Variants in PRR5L observed in about 807,000 individuals in gnomAD.
PRR5L encodes proline rich 5 like.
A neutral mutation model predicts 36.4 loss-of-function variants in PRR5L; 21 were observed. The observed-to-expected ratio is 0.58, with a 90% confidence interval of 0.41 to 0.83. The LOEUF (loss-of-function observed/expected upper bound fraction) is 0.83, where lower values mean the gene tolerates loss of function less well. Among genes scored for constraint, PRR5L ranks in the 40% least tolerant of loss-of-function variants. PRR5L has a pLI of 0.00. For missense variants in PRR5L, 381 were observed against 473.3 expected, an observed-to-expected ratio of 0.80 and a Z score of 1.81; for synonymous variants, 188 against 197.0, an observed-to-expected ratio of 0.95 and a Z score of 0.38.
intron 1 of PRR5L, among the ~76,000 whole-genome samples, chr11:36,385,222 T>C (rs1401749230): frequency 1.3e-5 from 2 of 152,208 alleles, no homozygotes; most frequent in Non-Finnish European, 1.5e-5. Context: ...TCTAGACTTT[T>C]TGGCTTACCA....
At chr11:36,369,758 C>A (rs1332714849) in intron 1 of PRR5L, among the ~76,000 whole-genome samples, 1 of 152,106 alleles carries the variant, frequency 6.6e-6, no homozygotes, top group Non-Finnish European at 1.5e-5. Context: ...CCATGCCTGG[C>A]TAATTGTTTT....
At position 36,351,512 on chromosome 11, in the gene PRR5L, TATATATATTTATATATTTATATAA is replaced by T. The variant is rs1856955867; in HGVS notation, c.-125-49468_-125-49445del. Among the ~76,000 whole-genome samples, 2 of 15,402 alleles carry T rather than the reference TATATATATTTATATATTTATATAA, an allele frequency of 1.3e-4. 1 individual carries two copies. Among genetic ancestry groups the T allele is most frequent in the Admixed American group, 1.9e-3 (2 of 1,032 alleles). 10.1% of individuals were successfully genotyped at this position (15,402 alleles called of 152,430 possible). A position where few individuals can be genotyped will look rare whatever the true frequency, so the allele number is the denominator to read the frequency against. On this transcript the variant is annotated intron_variant, in intron 1 of 8. Transcript: ENST00000530639. The stretch of plus-strand genomic sequence containing the variant: ...ATATTTATATATATTTTTATATATT[TATATATATTTATATATTTATATAA>T]ATATATATTTATATATATTTATATA...
At chr11:36,331,531 TC>T (rs1856719207) in intron 1 of PRR5L, among the ~76,000 whole-genome samples, 1 of 152,194 alleles carries the variant, frequency 6.6e-6, no homozygotes, top group Non-Finnish European at 1.5e-5. Context: ...CCTTGTTTCC[TC>T]AGTAGATTAT....
intron 1 of PRR5L, among the ~76,000 whole-genome samples, chr11:36,323,078 G>A (rs72948144): frequency 0.081 from 12,325 of 151,860 alleles, 541 homozygotes; most frequent in Middle Eastern, 0.12. Flanking sequence ...GAGAAATTTT[G>A]TTTTTTTTAA....
At chr11:36,422,346 C>G (rs1443675375) in intron 4 of PRR5L, among the ~76,000 whole-genome samples, 1 of 152,060 alleles carries the variant, frequency 6.6e-6, no homozygotes, top group Non-Finnish European at 1.5e-5. Context: ...AGTAAAGGGG[C>G]AGAAGGAAGG....
intron 1 of PRR5L, among the ~76,000 whole-genome samples, chr11:36,310,748 C>A (rs1856492059): frequency 6.6e-6 from 1 of 152,194 alleles, no homozygotes; most frequent in Middle Eastern, 3.4e-3. Context: ...CCTGTAATCG[C>A]AGCACTTTGG....
At chr11:36,445,016 T>G (rs889934688) in intron 6 of PRR5L, among the ~76,000 whole-genome samples, 2 of 152,250 alleles carry the variant, frequency 1.3e-5, no homozygotes, top group Admixed American at 1.3e-4. Flanking sequence ...CATTATAAGA[T>G]AACTTATTTA....
At chr11:36,392,008 T>C (rs1857572765) in intron 1 of PRR5L, among the ~76,000 whole-genome samples, 1 of 152,190 alleles carries the variant, frequency 6.6e-6, no homozygotes, top group Non-Finnish European at 1.5e-5. Context: ...CATTTTCCTG[T>C]CTCCGTGAGT....
rs141648638 is a variant in PRR5L, at chr11:36,436,937, T to C, written c.353-448T>C. Among the ~76,000 whole-genome samples, 41 of 152,328 alleles carry C rather than the reference T, an allele frequency of 2.7e-4. 1 individual carries two copies. In the East Asian group the frequency reaches 7.9e-3, roughly 29 times the overall value. ...AAGATGTCAGCTCCCTTTTCTGGAT[T>C]GGAGGATGGAAAGGCATATTTGCAT... On this transcript the variant is annotated intron_variant, in intron 5 of 8. Coordinates refer to ENST00000530639, the MANE Select transcript of PRR5L (RefSeq NM_001160167.2).
intron 8 of PRR5L, among the ~76,000 whole-genome samples, chr11:36,459,293 A>G (rs555875980): frequency 4.8e-4 from 73 of 152,268 alleles, no homozygotes; most frequent in African/African-American, 1.7e-3. Context: ...CAGCCTTGTC[A>G]TGGTGCTTAC....
chr11:36,307,064 A>C, intron 1 of PRR5L, among the ~76,000 whole-genome samples: 1 of 152,150 alleles, frequency 6.6e-6, no homozygotes, highest in East Asian at 1.9e-4. Context: ...AATTTCTAGA[A>C]GAAACGGCCA....
intron 4 of PRR5L, chr11:36,425,348 C>G (rs1456427768): frequency 2.0e-5 from 3 of 152,100 alleles, no homozygotes; most frequent in Admixed American, 2.0e-4. Context: ...GCATGAAGAC[C>G]CAGCCCAGGT....
intron 3 of PRR5L, among the ~76,000 whole-genome samples, chr11:36,403,752 CT>C (rs1857851351): frequency 6.6e-6 from 1 of 152,140 alleles, no homozygotes; most frequent in African/African-American, 2.4e-5. Context: ...TGTGTTCTTC[CT>C]TTTACTAAGT....
At chr11:36,419,330 T>C (rs769387289) in intron 4 of PRR5L, 27 bp downstream of exon 4, 2 of 1,603,124 alleles carry the variant, frequency 1.2e-6, no homozygotes, top group East Asian at 2.2e-5. Context: ...TGAGCATCCA[T>C]CATTATCATG....
At chr11:36,362,529 G>T (rs1366644031) in intron 1 of PRR5L, among the ~76,000 whole-genome samples, 1 of 152,016 alleles carries the variant, frequency 6.6e-6, no homozygotes, top group Non-Finnish European at 1.5e-5. Flanking sequence ...AAAAAAGGAC[G>T]TTTTAGACAC....
rs1859251449 is a variant in PRR5L at position 36,464,304 on chromosome 11, G to T, written c.*1568G>T. ...CAAGAGGGTGCTGGGAGAAGGTGAA[G>T]ATCAGTCTAAGCTGCCACGGTGATG... On this transcript the variant is annotated 3_prime_UTR_variant, in exon 9 of 9. Transcript: ENST00000530639. 1 of 152,204 alleles carries T rather than the reference G, an allele frequency of 6.6e-6. No homozygotes were observed. Among genetic ancestry groups the T allele is most frequent in the South Asian group, 2.1e-4 (1 of 4,832 alleles). 9.4% of individuals were successfully genotyped at this position (152,204 alleles called of 1,614,324 possible).
chr11:36,350,980 T>G lies in PRR5L; in HGVS notation c.-125-50017T>G, dbSNP rs111079935. Among the ~76,000 whole-genome samples, 9 of 43,378 alleles carry G rather than the reference T, an allele frequency of 2.1e-4. 2 individuals are homozygous for G. Among genetic ancestry groups the G allele is most frequent in the African/African-American group, 1.2e-3 (9 of 7,268 alleles). 28.5% of individuals were successfully genotyped at this position (43,378 alleles called of 152,430 possible). On this transcript the variant is annotated intron_variant, in intron 1 of 8. Coordinates refer to ENST00000530639, the MANE Select transcript of PRR5L (RefSeq NM_001160167.2). ...TATATATTTATATATTTATATATAT[T>G]TATATATTTATATATTTATATATAT...
chr11:36,355,915 C>T (rs894799210), intron 1 of PRR5L, among the ~76,000 whole-genome samples: 3 of 146,734 alleles, frequency 2.0e-5, no homozygotes, highest in African/African-American at 2.5e-5. Context: ...CTGATCTTTG[C>T]TTTTTTTTTT....
chr11:36,318,829 G>A (rs79566141), intron 1 of PRR5L, among the ~76,000 whole-genome samples: 16,260 of 152,030 alleles, frequency 0.11, 909 homozygotes, highest in Non-Finnish European at 0.12. Context: ...GGAAATGGGA[G>A]GGAAAGGCCA....
Sources: allele counts gnomAD v4.1 joint callset (sites outside exome capture counted in the v4.1 genomes callset), GRCh38; gene constraint gnomAD v4.1.1; transcripts MANE v1.5; gene names NCBI Gene and HGNC (gene_info 2026-07-23, HGNC 2026-07-21).